Variants in NRG1 observed in about 807,000 individuals in gnomAD.
The protein encoded by NRG1 is pro-neuregulin-1, membrane-bound isoform.
NRG1 carries 18 observed loss-of-function variants against 63.8 expected under a neutral mutation model. The ratio of observed to expected loss-of-function variants is 0.28; its 90% CI spans 0.19 to 0.42. The LOEUF is 0.42. NRG1 is among the 10% of genes least tolerant of loss of function. The pLI is 1.00. For missense variants in NRG1, 762 were observed against 814.7 expected (o/e 0.94, Z 0.79); for synonymous variants, 302 against 301.3 (o/e 1.00, Z -0.02).
chr8:32,685,823 G>T (rs1418176168), intron 5 of NRG1, among the ~76,000 whole-genome samples: 1 of 152,198 alleles, frequency 6.6e-6, no homozygotes, highest in Non-Finnish European at 1.5e-5. Context: ...AGGAAATCCA[G>T]TTCCACTAGG....
chr8:32,315,902 T>C (rs1857328631), intron 1 of NRG1, among the ~76,000 whole-genome samples: 1 of 144,998 alleles, frequency 6.9e-6, no homozygotes, highest in Admixed American at 6.7e-5. Flanking sequence ...TTTATATTTT[T>C]ATTTAATACT....
Position 32,435,181 on chromosome 8 carries a change from A to G in NRG1, c.38-160647A>G, listed in dbSNP as rs16879380. Among the ~76,000 whole-genome samples the G allele has an allele frequency of 8.1e-3, 1,227 of 152,252 alleles. 19 individuals carry two copies. Among genetic ancestry groups the G allele is most frequent in the African/African-American group, 0.027 (1,131 of 41,542 alleles). On this transcript the variant is annotated intron_variant, in intron 1 of 10. Transcript: ENST00000519301. ...TTTCCATAAATGCCTTTTAAATCAG[A>G]TCCTTTCTAGATTCACTTTTGGCTC...
chr8:32,115,904 G>T (rs1365934401), intron 1 of NRG1, among the ~76,000 whole-genome samples: 2 of 152,060 alleles, frequency 1.3e-5, no homozygotes, highest in Admixed American at 6.6e-5. Flanking sequence ...GGAGCCAGAG[G>T]GTTTGCATTC....
At chr8:32,601,464 T>A (rs1332795484) in intron 2 of NRG1, among the ~76,000 whole-genome samples, 1 of 152,178 alleles carries the variant, frequency 6.6e-6, no homozygotes, top group Admixed American at 6.5e-5. Context: ...TTTTGAATGC[T>A]CAGAAAAGTG....
intron 5 of NRG1, among the ~76,000 whole-genome samples, chr8:32,633,070 ATT>A (rs1850641238): frequency 6.6e-6 from 1 of 152,066 alleles, no homozygotes. Context: ...TTATGCTGAT[ATT>A]TTAGAATTTC....
chr8:32,324,403 G>T (rs1220790012), intron 1 of NRG1, among the ~76,000 whole-genome samples: 2 of 152,166 alleles, frequency 1.3e-5, no homozygotes, highest in Non-Finnish European at 2.9e-5. Context: ...GAGTAGAGAA[G>T]TGTCTTGCTT....
intron 1 of NRG1, among the ~76,000 whole-genome samples, chr8:32,432,269 G>T (rs1358141221): frequency 6.6e-6 from 1 of 152,034 alleles, no homozygotes; most frequent in Non-Finnish European, 1.5e-5. Flanking sequence ...TATATTGAAA[G>T]CTAACTATGT....
chr8:32,039,579 T>C (rs1477522880), intron 1 of NRG1, among the ~76,000 whole-genome samples: 2 of 152,218 alleles, frequency 1.3e-5, no homozygotes, highest in African/African-American at 4.8e-5. Context: ...AAAGAGAGGC[T>C]ATACTGATGA....
chr8:32,411,684 A>G (rs1814971112), intron 1 of NRG1, among the ~76,000 whole-genome samples: 6 of 152,162 alleles, frequency 3.9e-5, no homozygotes, highest in South Asian at 4.1e-4. Context: ...GGATAAATCC[A>G]TTGTAAGTTG....
At chr8:32,155,284 G>C (rs114425435) in intron 1 of NRG1, among the ~76,000 whole-genome samples, 2 of 152,090 alleles carry the variant, frequency 1.3e-5, no homozygotes, top group African/African-American at 4.8e-5. Flanking sequence ...GCTCCACAAA[G>C]AGACTAGATC....
intron 1 of NRG1, among the ~76,000 whole-genome samples, chr8:31,924,527 G>A (rs769710796): frequency 3.3e-5 from 5 of 150,814 alleles, no homozygotes; most frequent in Non-Finnish European, 7.4e-5. Flanking sequence ...TGTTAAGAGA[G>A]TTTTAATTGT....
chr8:32,216,836 C>G (rs927782500), intron 1 of NRG1, among the ~76,000 whole-genome samples: 2 of 151,736 alleles, frequency 1.3e-5, no homozygotes, highest in African/African-American at 4.8e-5. Context: ...GCCAGCCTAA[C>G]AAAAATAATT....
intron 1 of NRG1, among the ~76,000 whole-genome samples, chr8:31,977,823 C>T (rs1163100302): frequency 1.3e-5 from 2 of 151,834 alleles, no homozygotes; most frequent in Non-Finnish European, 2.9e-5. Context: ...GGGACCATTT[C>T]TTCATTTATT....
chr8:31,827,111 G>C (rs553558966), intron 1 of NRG1, among the ~76,000 whole-genome samples: 3 of 152,004 alleles, frequency 2.0e-5, no homozygotes, highest in Non-Finnish European at 2.9e-5. Context: ...TCTGGTTCAG[G>C]GTACCGTAAC....
chr8:32,544,679 C>CTTTTTTTTTTTTTTTTTTTTTTTTT (rs755780220), upstream of NRG1, among the ~76,000 whole-genome samples: 1 of 80,434 alleles, frequency 1.2e-5, no homozygotes, highest in Non-Finnish European at 2.3e-5. Context: ...ATTTTTGTAT[C>CTTTTTTTTTTTTTTTTTTTTTTTTT]TTTTTTTTTT....
intron 2 of NRG1, among the ~76,000 whole-genome samples, chr8:32,597,638 T>C (rs572985071): frequency 9.9e-4 from 151 of 152,254 alleles, no homozygotes; most frequent in African/African-American, 3.5e-3. Context: ...GATTAGGAAA[T>C]TGAGGGTCAA....
intron 1 of NRG1, among the ~76,000 whole-genome samples, chr8:32,052,825 C>T (rs1342785096): frequency 6.6e-6 from 1 of 152,088 alleles, no homozygotes; most frequent in Non-Finnish European, 1.5e-5. Context: ...CTATGGATGA[C>T]ATGCTCATTA....
intron 1 of NRG1, among the ~76,000 whole-genome samples, chr8:31,991,216 C>A (rs1811006590): frequency 6.6e-6 from 1 of 151,878 alleles, no homozygotes; most frequent in Non-Finnish European, 1.5e-5. Context: ...TAAACAAAGT[C>A]CCCCTCCTAC....
At chr8:32,424,306 C>T (rs1255385122) in intron 1 of NRG1, among the ~76,000 whole-genome samples, 1 of 152,124 alleles carries the variant, frequency 6.6e-6, no homozygotes, top group Non-Finnish European at 1.5e-5. Flanking sequence ...AGCCTGAAAG[C>T]ACTCACCCTG....
Sources: allele counts gnomAD v4.1 joint callset (sites outside exome capture counted in the v4.1 genomes callset), GRCh38; gene constraint gnomAD v4.1.1; transcripts MANE v1.5; gene names NCBI Gene and HGNC (gene_info 2026-07-23, HGNC 2026-07-21).